OVCH1: variants seen among roughly 807,000 people sequenced by gnomAD.
OVCH1 encodes the protein ovochymase-1.
Under a neutral mutation model 138.4 loss-of-function variants are expected in OVCH1, and 139 were observed. That is an observed-to-expected ratio of 1.00 (90% CI 0.87 to 1.16). The LOEUF is 1.16. Ranked by LOEUF, OVCH1 falls within the 50% of genes most tolerant of loss-of-function variation. The pLI is 0.00. For synonymous variants in OVCH1, 453 were observed against 467.8 expected, an observed-to-expected ratio of 0.97 and a Z score of 0.41; for missense variants, 1,367 against 1,357.9, an observed-to-expected ratio of 1.01 and a Z score of -0.11.
At chr12:29,432,168 T>G (rs1365192302) in intron 27 of OVCH1, among the ~76,000 whole-genome samples, 1 of 152,202 alleles carries the variant, frequency 6.6e-6, no homozygotes, top group Non-Finnish European at 1.5e-5. Context: ...AAGAGCCAGA[T>G]CCTATAGCAT....
intron 3 of OVCH1, 113 bp downstream of exon 3, chr12:29,496,068 G>T: frequency 1.1e-6 from 1 of 927,246 alleles, no homozygotes. Flanking sequence ...GGGTACACTG[G>T]GAGGCAAAAG....
intron 16 of OVCH1, among the ~76,000 whole-genome samples, chr12:29,466,221 A>T (rs1942314204): frequency 1.3e-5 from 2 of 152,162 alleles, no homozygotes; most frequent in African/African-American, 4.8e-5. Flanking sequence ...CGTTGTGCAC[A>T]TGTACCCTAG....
At chr12:29,473,364 G>A (rs1247228112) in intron 14 of OVCH1, among the ~76,000 whole-genome samples, 1 of 151,976 alleles carries the variant, frequency 6.6e-6, no homozygotes, top group Non-Finnish European at 1.5e-5. Flanking sequence ...ATTGATGGCT[G>A]TTTTCAATAT....
downstream of OVCH1, among the ~76,000 whole-genome samples, chr12:29,411,850 C>A (rs1227852009): frequency 1.6e-5 from 1 of 60,882 alleles, no homozygotes; most frequent in Non-Finnish European, 4.9e-5. Context: ...CAGACAGGGA[C>A]ATTTCAGTCT....
At chr12:29,420,969 G>C (rs565478723) in intron 3 of OVCH1, among the ~76,000 whole-genome samples, 5 of 152,380 alleles carry the variant, frequency 3.3e-5, no homozygotes, top group South Asian at 2.1e-4. Context: ...AGGGAGAGCA[G>C]ATGGGTACAC....
chr12:29,410,258 T>C (rs140958514), downstream of OVCH1, among the ~76,000 whole-genome samples: 981 of 145,410 alleles, frequency 6.7e-3, 14 homozygotes, highest in African/African-American at 0.023. Context: ...CTTGACTCTT[T>C]ATCCAATTTG....
intron 9 of OVCH1, chr12:29,477,725 C>T (rs925118514): frequency 1.1e-5 from 10 of 884,132 alleles, no homozygotes; most frequent in African/African-American, 3.4e-5. Context: ...AAATTCAGCT[C>T]TCTGATAAAC....
At chr12:29,469,570 A>G (rs1269462679) in intron 16 of OVCH1, among the ~76,000 whole-genome samples, 3 of 152,068 alleles carry the variant, frequency 2.0e-5, no homozygotes, top group African/African-American at 7.2e-5. Flanking sequence ...GGGAGCAAGC[A>G]GGGAAATGAT....
At chr12:29,473,252 T>C in intron 14 of OVCH1, 149 bp from the exon 15 acceptor site, 1 of 586,990 alleles carries the variant, frequency 1.7e-6, no homozygotes, top group Non-Finnish European at 3.0e-6. Context: ...CCCAGAAATG[T>C]GATTTCTTGT....
At chr12:29,478,948 A>G in intron 8 of OVCH1, 2 of 1,434,364 alleles carry the variant, frequency 1.4e-6, no homozygotes, top group Non-Finnish European at 1.9e-6. Flanking sequence ...TTCTGGTACC[A>G]TTATTTTCCA....
chr12:29,464,546 C>G, exon 18 of OVCH1: 1 of 1,613,506 alleles, frequency 6.2e-7, no homozygotes, highest in East Asian at 2.2e-5. Context: ...GCACAGATCT[C>G]CGAGGAAAAT....
At chr12:29,433,785 C>A in exon 27 of OVCH1, 1 of 1,416,758 alleles carries the variant, frequency 7.1e-7, no homozygotes, top group South Asian at 1.3e-5. Context: ...CTTCTGTTTT[C>A]TTTTTCCAAC....
At chr12:29,476,625 A>G (rs1247211784) in intron 12 of OVCH1, among the ~76,000 whole-genome samples, 1 of 152,194 alleles carries the variant, frequency 6.6e-6, no homozygotes, top group East Asian at 1.9e-4. Context: ...GAACTGGTTT[A>G]ATGTGTTCTG....
chr12:29,405,057 CAAAAG>C, the OVCH1 span, among the ~76,000 whole-genome samples: 1 of 84,494 alleles, frequency 1.2e-5, no homozygotes, highest in Non-Finnish European at 2.4e-5. Context: ...AAAAAAAAAA[CAAAAG>C]AAATGATCAT....
exon 1 of OVCH1, chr12:29,497,684 C>T (rs779188861): frequency 1.2e-6 from 2 of 1,613,852 alleles, no homozygotes; most frequent in Non-Finnish European, 1.7e-6. Flanking sequence ...CCAGCAGGCC[C>T]ATAGCCTCCA....
intron 9 of OVCH1, 27 bp downstream of exon 10, chr12:29,478,808 A>C (rs1942828949): frequency 6.7e-7 from 1 of 1,486,724 alleles, no homozygotes; most frequent in Non-Finnish European, 9.0e-7. Context: ...CTAAAATGAC[A>C]AATAAAAACA....
At chr12:29,444,320 A>G (rs372988700) in intron 23 of OVCH1, 40 bp from the exon 24 acceptor site, 3 of 1,590,140 alleles carry the variant, frequency 1.9e-6, no homozygotes, top group Non-Finnish European at 2.6e-6. Flanking sequence ...AATAAAACCA[A>G]TTTTTAACAG....
At chr12:29,466,720 A>C (rs1942332611) in intron 16 of OVCH1, among the ~76,000 whole-genome samples, 1 of 152,164 alleles carries the variant, frequency 6.6e-6, no homozygotes, top group Non-Finnish European at 1.5e-5. Flanking sequence ...CTTCTGATAC[A>C]CCTCAAAATG....
At chr12:29,436,108 T>C (rs1941354362) in intron 26 of OVCH1, among the ~76,000 whole-genome samples, 1 of 152,048 alleles carries the variant, frequency 6.6e-6, no homozygotes, top group Non-Finnish European at 1.5e-5. Flanking sequence ...GACAATATTT[T>C]ATTTAATGGC....
Sources: allele counts gnomAD v4.1 joint callset (sites outside exome capture counted in the v4.1 genomes callset), GRCh38; gene constraint gnomAD v4.1.1; transcripts MANE v1.5; gene names NCBI Gene and HGNC (gene_info 2026-07-23, HGNC 2026-07-21).